MYLK2: variants seen among roughly 807,000 people sequenced by gnomAD.
MYLK2 encodes the protein myosin light chain kinase 2.
A neutral mutation model predicts 58.2 loss-of-function variants in MYLK2; 27 were observed. The ratio of observed to expected loss-of-function variants is 0.46; its 90% CI spans 0.34 to 0.64. The LOEUF is 0.64. Ranked by LOEUF, MYLK2 falls within the 30% of genes least tolerant of loss-of-function variation. MYLK2 has a pLI of 0.01. For synonymous variants in MYLK2, 310 were observed against 296.7 expected, an observed-to-expected ratio of 1.04 and a Z score of -0.46; for missense variants, 676 against 764.3, an observed-to-expected ratio of 0.88 and a Z score of 1.36.
At position 31,823,590 on chromosome 20, in the gene MYLK2, C is replaced by A; in HGVS notation, c.878+8C>A. The A allele has an allele frequency of 6.2e-7, 1 of 1,613,072 alleles. No homozygotes were observed. Among genetic ancestry groups the A allele is most frequent in the South Asian group, 1.1e-5 (1 of 91,078 alleles). Reference sequence around the variant, plus strand: ...CAAGGAGGCGCTCGGAGGGTGAGATCTGGGACCCCAGCTGGGCACTCATGG... The same window carrying A: ...CAAGGAGGCGCTCGGAGGGTGAGATATGGGACCCCAGCTGGGCACTCATGG... On this transcript the variant is annotated splice_region_variant and intron_variant, in intron 5 of 12. Coordinates refer to ENST00000375985, the MANE Select transcript of MYLK2 (RefSeq NM_033118.4).
chr20:31,832,840 G>A (rs1303301942), intron 12 of MYLK2, among the ~76,000 whole-genome samples: 1 of 152,064 alleles, frequency 6.6e-6, no homozygotes, highest in African/African-American at 2.4e-5. Flanking sequence ...GGTTAAAGAA[G>A]ACTTTAGAAA....
intron 8 of MYLK2, among the ~76,000 whole-genome samples, chr20:31,828,908 A>G (rs1256704903): frequency 6.6e-6 from 1 of 152,204 alleles, no homozygotes; most frequent in Admixed American, 6.5e-5. Context: ...GAGAGATGCC[A>G]GGGGCTTGAG....
chr20:31,828,690 GT>G, intron 8 of MYLK2: 2 of 985,464 alleles, frequency 2.0e-6, no homozygotes, highest in Non-Finnish European at 1.2e-6. Context: ...GGGAGATGCT[GT>G]TGCCGCCTCT....
Position 31,819,365 on chromosome 20 carries a change from C to A in MYLK2, c.-112C>A. ...CCCGGCCCAATCCCTTACAACTGCC[C>A]AGGACTGCTCCTGAGCAGCCGCTGG... On this transcript the variant is annotated 5_prime_UTR_variant, in exon 1 of 13. Transcript: ENST00000375985. The A allele has an allele frequency of 1.6e-6, 1 of 633,550 alleles. No individual in the cohort carries two copies. Among genetic ancestry groups the A allele is most frequent in the East Asian group, 3.0e-5 (1 of 33,510 alleles). The allele number at this position is 633,550 out of a possible 1,614,324, so 39.2% of individuals were successfully genotyped here.
intron 2 of MYLK2, 64 bp from the exon 3 acceptor site, chr20:31,820,062 C>T: frequency 6.2e-7 from 1 of 1,606,004 alleles, no homozygotes; most frequent in Non-Finnish European, 8.5e-7. Context: ...TGGTCTCTGC[C>T]CAGCCTGGGT....
In MYLK2 at chr20:31,826,655, T is replaced by C; in HGVS notation, c.1023T>C (p.Asn341=). The change falls in exon 7 of 13, where the codon AAT becomes AAC. Residue 341 remains asparagine, a synonymous_variant. Transcript: ENST00000375985. ...TCATGAACCAGCTGAACCACCGCAA[T>C]CTGATCCAGCTGTATGCAGCCATCG... ...IEVMNQLNHR[N]LIQLYAAIET... is the part of the protein sequence containing the mutation. 6.2e-7 allele frequency: 1 copy of C among 1,614,024 alleles called. No homozygotes were observed. Among genetic ancestry groups the C allele is most frequent in the Non-Finnish European group, 8.5e-7 (1 of 1,180,000 alleles).
Position 31,831,745 on chromosome 20 carries a change from G to T in MYLK2, c.1467G>T (p.Glu489Asp). The change falls in exon 11 of 13, where the codon GAG (glutamate) becomes GAT (aspartate). Residue 489 changes from glutamate to aspartate, a missense_variant. Transcript: ENST00000375985. Reference protein sequence around the residue: ...LSPFLGDDDTETLNNVLSGNW... With the variant: ...LSPFLGDDDTDTLNNVLSGNW... ...CCTTCCTGGGAGATGATGACACAGA[G>T]ACCCTAAACAACGTTCTATCTGGCA... 6.2e-7 allele frequency: 1 copy of T among 1,614,078 alleles called. No homozygotes were observed.
At position 31,831,233 on chromosome 20, in the gene MYLK2, G is replaced by A; in HGVS notation, c.1424+92G>A. ...ATTGGCCCTAGGGTCTTGGTAAGGT[G>A]GTCCCACCTCCCCTATCCCTCAGTC... On this transcript the variant is annotated intron_variant, in intron 10 of 12. Transcript: ENST00000375985. The A allele has an allele frequency of 3.2e-6, 5 of 1,578,774 alleles. No homozygotes were observed. In the South Asian group the frequency reaches 5.6e-5, roughly 18 times the overall value.
Position 31,832,205 on chromosome 20 carries a change from C to T in MYLK2, c.1710+69C>T, listed in dbSNP as rs575594139. The T allele has an allele frequency of 1.9e-6, 3 of 1,560,708 alleles. No homozygotes were observed. In the African/African-American group the frequency reaches 4.0e-5, roughly 21 times the overall value. On this transcript the variant is annotated intron_variant, in intron 12 of 12. Coordinates refer to ENST00000375985, the MANE Select transcript of MYLK2 (RefSeq NM_033118.4). The stretch of plus-strand genomic sequence containing the variant: ...AAGAGCTCCTGGTGCCAGATCCCAG[C>T]CTCCACCGTCCCTGCCTTGGCAGGT...
intron 8 of MYLK2, chr20:31,828,402 T>TCATTCATTCATTC: frequency 1.0e-6 from 1 of 985,376 alleles, no homozygotes. Flanking sequence ...GATGGTACTT[T>TCATTCATTCATTC]CATTCATTCA....
rs535744750 is a variant in MYLK2, at chr20:31,831,358, A to G, written c.1424+217A>G. ...ACCAAGGTCCCTATAAAGGCATAGC[A>G]TCTGGACAGCAGATCTCGGATGACC... is the stretch of plus-strand genomic sequence containing the variant. On this transcript the variant is annotated intron_variant, in intron 10 of 12. Transcript: ENST00000375985. 1.8e-3 allele frequency among the ~76,000 whole-genome samples: 268 copies of G among 151,928 alleles called. 3 individuals carry two copies. The highest frequency in any genetic ancestry group is 6.2e-3 in the African/African-American group (255 of 41,440).
rs527847450 is a variant in MYLK2 at position 31,820,568 on chromosome 20, T to G, written c.473+22T>G. 8 of 1,598,348 alleles carry G rather than the reference T, an allele frequency of 5.0e-6. No individual in the cohort carries two copies. The East Asian group carries it at 1.6e-4, about 31-fold the overall frequency. Reference sequence around the variant, plus strand: ...CCAGGTGAATATCCCCTCCTGGGAGTGGGGAGGGGTCCTGTGGTTCTGTCC... The same window carrying G: ...CCAGGTGAATATCCCCTCCTGGGAGGGGGGAGGGGTCCTGTGGTTCTGTCC... On this transcript the variant is annotated intron_variant, in intron 3 of 12. Transcript: ENST00000375985.
chr20:31,826,259 A>G (rs1199562821), intron 6 of MYLK2, among the ~76,000 whole-genome samples: 1 of 152,096 alleles, frequency 6.6e-6, no homozygotes, highest in African/African-American at 2.4e-5. Flanking sequence ...AGAGGTTGAG[A>G]TGTATATTTG....
chr20:31,823,688 C>T, intron 5 of MYLK2, 106 bp downstream of exon 5: 1 of 1,088,090 alleles, frequency 9.2e-7, no homozygotes, highest in South Asian at 1.3e-5. Flanking sequence ...CCCGCTGAGA[C>T]ATGGCCACAT....
chr20:31,821,324 A>G (rs1054643727), intron 3 of MYLK2, 115 bp from the exon 4 acceptor site: 76 of 1,258,140 alleles, frequency 6.0e-5, no homozygotes, highest in Non-Finnish European at 8.0e-5. Flanking sequence ...ATTTGGCTGT[A>G]TTACACCATG....
At chr20:31,828,711 C>A (rs2062291716) in intron 8 of MYLK2, 2 of 985,418 alleles carry the variant, frequency 2.0e-6, no homozygotes, top group East Asian at 2.3e-4. Flanking sequence ...TAACACCTGT[C>A]CCAGTTTTGC....
At position 31,825,682 on chromosome 20, in the gene MYLK2, T is replaced by C. The variant is rs1263773635; in HGVS notation, c.973-923T>C. The stretch of plus-strand genomic sequence containing the variant: ...ATCAGTCCTCTCTGAGAAAGACATA[T>C]GTGAGGTGAGAACTGAATGAAGGGG... On this transcript the variant is annotated intron_variant, in intron 6 of 12. Coordinates refer to ENST00000375985, the MANE Select transcript of MYLK2 (RefSeq NM_033118.4). Among the ~76,000 whole-genome samples, 7 of 151,854 alleles carry C rather than the reference T, an allele frequency of 4.6e-5. No individual in the cohort carries two copies. In the East Asian group the frequency reaches 1.2e-3, roughly 25 times the overall value.
At chr20:31,823,992 G>T (rs570027391) in intron 5 of MYLK2, 5 of 984,634 alleles carry the variant, frequency 5.1e-6, no homozygotes, top group South Asian at 4.7e-5. Context: ...TCTAAGGGTC[G>T]CATCCCAGGG....
chr20:31,829,620 C>T (rs925408957), intron 8 of MYLK2, among the ~76,000 whole-genome samples: 1 of 152,104 alleles, frequency 6.6e-6, no homozygotes, highest in Admixed American at 6.5e-5. Flanking sequence ...GGGGTGGTGG[C>T]GACCATGGGA....
Sources: gnomAD v4.1 joint callset for allele counts (sites outside exome capture counted in the v4.1 genomes callset) on GRCh38, gnomAD v4.1.1 for gene constraint, MANE v1.5 for transcripts, NCBI Gene and HGNC (gene_info 2026-07-23, HGNC 2026-07-21) for gene names.